Variants in FRY observed in about 807,000 individuals in gnomAD.
FRY encodes the protein FRY microtubule binding protein.
FRY carries 128 observed loss-of-function variants against 348.4 expected under a neutral mutation model. The ratio of observed to expected loss-of-function variants is 0.37; its 90% CI spans 0.32 to 0.43. FRY has a LOEUF of 0.43. Ranked by LOEUF, FRY falls within the 20% of genes least tolerant of loss-of-function variation. The pLI, the probability that FRY is intolerant of heterozygous loss-of-function variation, is 1.00. For synonymous variants in FRY, 1,370 were observed against 1,374.7 expected (o/e 1.00, Z 0.08); for missense variants, 2,736 against 3,695.2 (o/e 0.74, Z 6.73).
intron 2 of FRY, among the ~76,000 whole-genome samples, chr13:32,097,114 T>A (rs1876785161): frequency 6.6e-6 from 1 of 152,122 alleles, no homozygotes; most frequent in African/African-American, 2.4e-5. Context: ...AGCTTTGGGA[T>A]GTGGGTGGAC....
chr13:32,175,430 G>A lies in FRY; in HGVS notation c.2335-116G>A. ...CCTCTGGGCACTCACTTTTCTGTGA[G>A]AAAACCCTTATCACTATCTCACAAG... On this transcript the variant is annotated intron_variant, in intron 19 of 60. Coordinates refer to ENST00000542859, the MANE Select transcript of FRY (RefSeq NM_023037.3). The A allele has an allele frequency of 4.0e-6, 3 of 750,910 alleles. No homozygotes were observed. In the South Asian group the frequency reaches 4.2e-5, roughly 11 times the overall value. 46.5% of individuals were successfully genotyped at this position (750,910 alleles called of 1,614,324 possible).
At chr13:32,152,503 CAAT>C (rs1465862418) in intron 14 of FRY, among the ~76,000 whole-genome samples, 5 of 152,168 alleles carry the variant, frequency 3.3e-5, no homozygotes, top group Admixed American at 3.3e-4. Flanking sequence ...TGATTTTCAA[CAAT>C]GATTCTAAGT....
At chr13:32,117,981 A>G (rs1044301003) in intron 4 of FRY, among the ~76,000 whole-genome samples, 5 of 152,112 alleles carry the variant, frequency 3.3e-5, no homozygotes, top group Non-Finnish European at 7.4e-5. Flanking sequence ...TGAGCAAAAC[A>G]AGGAAGTTAG....
intron 46 of FRY, among the ~76,000 whole-genome samples, chr13:32,243,135 A>G (rs1442741276): frequency 6.6e-6 from 1 of 152,226 alleles, no homozygotes; most frequent in Non-Finnish European, 1.5e-5. Context: ...TGTTATTTCT[A>G]TGTAACACAC....
At chr13:32,291,957 A>G (rs1889387028) in intron 59 of FRY, 1 of 451,312 alleles carries the variant, frequency 2.2e-6, no homozygotes, top group African/African-American at 2.0e-5. Flanking sequence ...TTATGCATGA[A>G]CAAATAAAGT....
intron 23 of FRY, among the ~76,000 whole-genome samples, chr13:32,181,652 A>T (rs1882720370): frequency 6.6e-6 from 1 of 151,584 alleles, no homozygotes; most frequent in Admixed American, 6.6e-5. Context: ...CAACATTCTT[A>T]CCTGAAGAAT....
chr13:32,179,646 CT>C (rs1185441136), intron 22 of FRY, 28 bp from the exon 23 acceptor site: 2 of 1,612,994 alleles, frequency 1.2e-6, no homozygotes, highest in African/African-American at 2.7e-5. Flanking sequence ...CATGTTACCT[CT>C]TTTTCACTTG....
chr13:32,194,045 AT>A (rs1883524759), intron 28 of FRY, 97 bp from the exon 29 acceptor site: 4 of 1,222,112 alleles, frequency 3.3e-6, no homozygotes, highest in Non-Finnish European at 4.8e-6. Context: ...CTTCCCTTTC[AT>A]TTTACTCAGT....
intron 59 of FRY, among the ~76,000 whole-genome samples, chr13:32,293,897 A>G (rs1889500642): frequency 6.6e-6 from 1 of 152,196 alleles, no homozygotes; most frequent in African/African-American, 2.4e-5. Flanking sequence ...CATTTTGTAT[A>G]TATTATTTCC....
At chr13:32,145,828 G>A (rs1880408302) in intron 11 of FRY, among the ~76,000 whole-genome samples, 1 of 152,040 alleles carries the variant, frequency 6.6e-6, no homozygotes, top group Non-Finnish European at 1.5e-5. Context: ...ACAGGCGTGA[G>A]CCACCGCGCC....
chr13:32,033,283 G>C (rs1163906984), intron 1 of FRY, among the ~76,000 whole-genome samples: 1 of 152,154 alleles, frequency 6.6e-6, no homozygotes, highest in Non-Finnish European at 1.5e-5. Flanking sequence ...AAAAGAATTT[G>C]ACATACAGTG....
At chr13:32,076,906 T>C (rs1347910974) in intron 1 of FRY, among the ~76,000 whole-genome samples, 1 of 152,196 alleles carries the variant, frequency 6.6e-6, no homozygotes, top group Non-Finnish European at 1.5e-5. Context: ...ATTGAGCCTT[T>C]CATAGGTAAT....
intron 36 of FRY, among the ~76,000 whole-genome samples, chr13:32,222,178 A>G (rs1295317546): frequency 6.6e-6 from 1 of 152,216 alleles, no homozygotes; most frequent in Non-Finnish European, 1.5e-5. Context: ...CATCCTAGCC[A>G]TAGGGAGCAG....
chr13:32,134,216 A>T (rs1000681056), intron 8 of FRY, among the ~76,000 whole-genome samples: 7 of 152,218 alleles, frequency 4.6e-5, no homozygotes, highest in Non-Finnish European at 1.0e-4. Context: ...TTTAAAAAAA[A>T]AATGTTGGCA....
chr13:32,106,044 C>T (rs570302808), intron 3 of FRY, among the ~76,000 whole-genome samples: 1 of 147,832 alleles, frequency 6.8e-6, no homozygotes, highest in African/African-American at 2.5e-5. Context: ...GGTATTATCT[C>T]TATATTAAAT....
intron 11 of FRY, among the ~76,000 whole-genome samples, chr13:32,142,148 A>G (rs1384386672): frequency 6.6e-6 from 1 of 152,226 alleles, no homozygotes; most frequent in African/African-American, 2.4e-5. Context: ...ACAGAAGAAG[A>G]AGAAGTGCTG....
chr13:32,129,259 C>A (rs1879209103), intron 7 of FRY, among the ~76,000 whole-genome samples: 1 of 152,042 alleles, frequency 6.6e-6, no homozygotes, highest in Non-Finnish European at 1.5e-5. Flanking sequence ...AAGCTGTATG[C>A]CCAAATACAG....
chr13:32,124,496 T>G, intron 5 of FRY, 106 bp from the exon 6 acceptor site: 1 of 867,888 alleles, frequency 1.2e-6, no homozygotes, highest in East Asian at 2.6e-5. Context: ...TTATATGACT[T>G]ATGTTTATTG....
rs780006048 is a variant in FRY, at chr13:32,249,535, A to C, written c.7018A>C (p.Ile2340Leu). 2 of 1,614,192 alleles carry C rather than the reference A, an allele frequency of 1.2e-6. No individual in the cohort carries two copies. Among genetic ancestry groups the C allele is most frequent in the East Asian group, 4.5e-5 (2 of 44,896 alleles). The change falls in exon 49 of 61, where the codon ATC becomes CTC. Residue 2340 changes from isoleucine (I) to leucine (L), a missense_variant. Ile to Leu is a conservative substitution (Grantham distance 5). This residue lies in a region of FRY where 789 missense variants were observed against 996.2 expected (regional missense o/e 0.79). Coordinates refer to ENST00000542859, the MANE Select transcript of FRY (RefSeq NM_023037.3). ...TTGTCTTCTTCTCAAGACTCCAATC[A>C]TCGGGAGGCGGTATGATGAGCTGCA... is the stretch of plus-strand genomic sequence containing the variant. The part of the protein sequence containing the change: ...FHFDISETPI[I>L]GRRYDELQNS...
Sources: allele counts gnomAD v4.1 joint callset (sites outside exome capture counted in the v4.1 genomes callset), GRCh38; gene constraint gnomAD v4.1.1; regional missense constraint gnomAD v4.1.1; transcripts MANE v1.5; gene names NCBI Gene and HGNC (gene_info 2026-07-23, HGNC 2026-07-21).